The following SATB2 variants were observed in gnomAD, a reference collection of about 807,000 sequenced individuals.
The protein encoded by SATB2 is SATB homeobox 2.
A neutral mutation model predicts 73.4 loss-of-function variants in SATB2; 1 was observed. That is an observed-to-expected ratio of 0.01 (90% CI 0.00 to 0.06). The LOEUF (loss-of-function observed/expected upper bound fraction) is 0.06, where lower values mean the gene tolerates loss of function less well. Ranked by LOEUF, SATB2 falls within the 10% of genes least tolerant of loss-of-function variation. The pLI is 1.00. For synonymous variants in SATB2, 397 were observed against 367.0 expected, an observed-to-expected ratio of 1.08 and a Z score of -0.93; for missense variants, 459 against 945.8, an observed-to-expected ratio of 0.49 and a Z score of 6.75.
chr2:199,411,188 G>A (rs1236094073), intron 3 of SATB2, among the ~76,000 whole-genome samples: 1 of 151,332 alleles, frequency 6.6e-6, no homozygotes, highest in Non-Finnish European at 1.5e-5. Context: ...ACCTGTGACG[G>A]GTTCTTTCCA....
rs773142517 is a variant in SATB2, at chr2:199,270,941, A to C, written c.*1270T>G. 1.3e-5 allele frequency: 2 copies of C among 152,334 alleles called. No homozygotes were observed. Among genetic ancestry groups the C allele is most frequent in the Non-Finnish European group, 2.9e-5 (2 of 68,040 alleles). 9.4% of individuals were successfully genotyped at this position (152,334 alleles called of 1,614,324 possible). A position where few individuals can be genotyped will look rare whatever the true frequency, so the allele number is the denominator to read the frequency against. ...GGACTGAAAATGTTTGATTAGGTAG[A>C]TGGAATGTGTACGAAGAAGAGGAAG... On this transcript the variant is annotated 3_prime_UTR_variant, in exon 11 of 11. Coordinates refer to ENST00000417098, the MANE Select transcript of SATB2 (RefSeq NM_001172509.2).
chr2:199,458,809 G>T (rs1396834470), upstream of SATB2: 7 of 310,016 alleles, frequency 2.3e-5, no homozygotes, highest in East Asian at 1.2e-3. Flanking sequence ...AACTTTTCCC[G>T]GTGCCTGCGA....
intron 10 of SATB2, among the ~76,000 whole-genome samples, chr2:199,290,806 C>T (rs1391668257): frequency 6.6e-6 from 1 of 152,142 alleles, no homozygotes; most frequent in East Asian, 1.9e-4. Flanking sequence ...AGAAATATTT[C>T]TACTATCACT....
chr2:199,419,835 T>A (rs1691111974), intron 3 of SATB2, among the ~76,000 whole-genome samples: 1 of 152,196 alleles, frequency 6.6e-6, no homozygotes. Flanking sequence ...TCAGATTAAG[T>A]AGAATGCATT....
At chr2:199,372,113 C>G (rs1362805638) in intron 5 of SATB2, among the ~76,000 whole-genome samples, 1 of 152,084 alleles carries the variant, frequency 6.6e-6, no homozygotes, top group African/African-American at 2.4e-5. Flanking sequence ...GTTAAAATGT[C>G]TTTCCAACTA....
chr2:199,343,377 T>C (rs1688562411), intron 7 of SATB2, among the ~76,000 whole-genome samples: 1 of 152,250 alleles, frequency 6.6e-6, no homozygotes, highest in Non-Finnish European at 1.5e-5. Context: ...TATGCTACAA[T>C]GTTTATTTTT....
At chr2:199,284,381 T>C (rs1418041099) in intron 10 of SATB2, among the ~76,000 whole-genome samples, 1 of 152,208 alleles carries the variant, frequency 6.6e-6, no homozygotes, top group Non-Finnish European at 1.5e-5. Context: ...TTAGATTCAA[T>C]TCCACTTTGC....
At chr2:199,277,476 C>A (rs1036605418) in intron 10 of SATB2, among the ~76,000 whole-genome samples, 1 of 152,188 alleles carries the variant, frequency 6.6e-6, no homozygotes, top group African/African-American at 2.4e-5. Flanking sequence ...CTCCTTTTTA[C>A]TCTTGATCTT....
chr2:199,331,989 T>C (rs1688203501), intron 7 of SATB2, among the ~76,000 whole-genome samples: 1 of 152,152 alleles, frequency 6.6e-6, no homozygotes, highest in Admixed American at 6.6e-5. Context: ...ACATTCCCAT[T>C]ATGCAGCCTG....
chr2:199,470,960 C>G (rs11903878), intron 1 of SATB2: 6,479 of 152,544 alleles, frequency 0.042, 467 homozygotes, highest in African/African-American at 0.15. Flanking sequence ...ACCCAAGACG[C>G]GGGAGAGAAG....
At chr2:199,341,344 G>C (rs1035796842) in intron 7 of SATB2, among the ~76,000 whole-genome samples, 1 of 152,156 alleles carries the variant, frequency 6.6e-6, no homozygotes, top group Non-Finnish European at 1.5e-5. Flanking sequence ...TATTCCCACA[G>C]ACACTATGTG....
chr2:199,336,883 T>C (rs1291338358), intron 7 of SATB2, among the ~76,000 whole-genome samples: 1 of 152,132 alleles, frequency 6.6e-6, no homozygotes, highest in Non-Finnish European at 1.5e-5. Flanking sequence ...TATCAATTAA[T>C]CTCCCTATGG....
chr2:199,310,964 C>T (rs1188196723), intron 9 of SATB2, among the ~76,000 whole-genome samples: 1 of 152,210 alleles, frequency 6.6e-6, no homozygotes, highest in Non-Finnish European at 1.5e-5. Context: ...TTATAATCTG[C>T]ACTCATTACA....
rs572564794 is a variant in SATB2, at chr2:199,270,356, CAT to C, written c.*1853_*1854del. 1.7e-4 allele frequency: 26 copies of C among 152,540 alleles called. No individual in the cohort carries two copies. The highest frequency in any genetic ancestry group is 2.9e-4 in the Non-Finnish European group (20 of 67,960). 9.4% of individuals were successfully genotyped at this position (152,540 alleles called of 1,614,324 possible). On this transcript the variant is annotated 3_prime_UTR_variant, in exon 11 of 11. Coordinates refer to ENST00000417098, the MANE Select transcript of SATB2 (RefSeq NM_001172509.2). ...TGTAAGTTCTGAGTTAATATCTACACATAGAGGTTTTTTTTTTAACTCCTACC... is the reference window on the plus strand; with the variant it reads ...TGTAAGTTCTGAGTTAATATCTACACAGAGGTTTTTTTTTTAACTCCTACC...
intron 3 of SATB2, among the ~76,000 whole-genome samples, chr2:199,431,626 T>C (rs1396756118): frequency 6.6e-6 from 1 of 152,218 alleles, no homozygotes; most frequent in African/African-American, 2.4e-5. Context: ...ATTTATTTGC[T>C]CATATATCTC....
At chr2:199,277,084 T>C (rs1048597251) in intron 10 of SATB2, among the ~76,000 whole-genome samples, 6 of 152,120 alleles carry the variant, frequency 3.9e-5, no homozygotes, top group African/African-American at 1.4e-4. Flanking sequence ...ATTCCACTTA[T>C]GTGAAAGAAT....
intron 3 of SATB2, among the ~76,000 whole-genome samples, chr2:199,411,092 T>G (rs533626964): frequency 1.3e-5 from 2 of 152,130 alleles, no homozygotes; most frequent in African/African-American, 4.8e-5. Flanking sequence ...AATACTACTA[T>G]GTATCAAATA....
In SATB2 at chr2:199,272,759, A is replaced by C; in HGVS notation, c.1741-87T>G. ...CAGCCCTCTGAAATATGTGTTATCT[A>C]TCTAGCACTGGAGGTAAGCTATAGT... is the stretch of plus-strand genomic sequence containing the variant. On this transcript the variant is annotated intron_variant, in intron 10 of 10. Coordinates refer to ENST00000417098, the MANE Select transcript of SATB2 (RefSeq NM_001172509.2). This position sits in a 1 kb window ranked among gnomAD's most constrained non-coding sequence, Gnocchi z 6.7. The C allele has an allele frequency of 1.7e-6, 2 of 1,203,816 alleles. No homozygotes were observed. The highest frequency in any genetic ancestry group is 2.5e-6 in the Non-Finnish European group (2 of 809,138). 74.6% of individuals were successfully genotyped at this position (1,203,816 alleles called of 1,614,324 possible).
chr2:199,353,194 A>G (rs998424289), intron 6 of SATB2, among the ~76,000 whole-genome samples: 8 of 116,598 alleles, frequency 6.9e-5, no homozygotes, highest in African/African-American at 2.8e-4. Context: ...TCACTCCATC[A>G]CCCAGGCTGG....
Sources: allele counts gnomAD v4.1 joint callset (sites outside exome capture counted in the v4.1 genomes callset), GRCh38; gene constraint gnomAD v4.1.1; non-coding constraint Gnocchi (gnomAD v3.1); transcripts MANE v1.5; gene names NCBI Gene and HGNC (gene_info 2026-07-23, HGNC 2026-07-21).